CORIN: variants seen among roughly 807,000 people sequenced by gnomAD.
CORIN encodes the protein atrial natriuretic peptide-converting enzyme.
In CORIN, 117 loss-of-function variants were observed where a neutral mutation model predicts 125.3. That is an observed-to-expected ratio of 0.93 (90% CI 0.80 to 1.09). The LOEUF is 1.09. Among genes scored for constraint, CORIN ranks in the 50% least tolerant of loss-of-function variants. CORIN has a pLI of 0.00. For synonymous variants in CORIN, 450 were observed against 466.4 expected (o/e 0.96, Z 0.45); for missense variants, 1,253 against 1,306.7 (o/e 0.96, Z 0.63).
intron 5 of CORIN, among the ~76,000 whole-genome samples, chr4:47,730,039 A>C (rs1250608553): frequency 6.6e-6 from 1 of 152,066 alleles, no homozygotes; most frequent in African/African-American, 2.4e-5. Flanking sequence ...CTTGGAGCTC[A>C]CGTGTGATCT....
chr4:47,835,677 C>T (rs1261340723), intron 1 of CORIN, among the ~76,000 whole-genome samples: 1 of 152,210 alleles, frequency 6.6e-6, no homozygotes, highest in African/African-American at 2.4e-5. Flanking sequence ...GAACTAGCAA[C>T]TGCTGAAATC....
intron 19 of CORIN, among the ~76,000 whole-genome samples, chr4:47,621,010 AT>A (rs1353737393): frequency 6.6e-6 from 1 of 152,196 alleles, no homozygotes; most frequent in African/African-American, 2.4e-5. Flanking sequence ...CCTGTGGATT[AT>A]TTTTTGCCTC....
intron 3 of CORIN, among the ~76,000 whole-genome samples, chr4:47,781,580 T>C (rs1206819638): frequency 2.0e-5 from 3 of 152,212 alleles, no homozygotes; most frequent in African/African-American, 4.8e-5. Context: ...TGACTTACAA[T>C]AGTTTCAACT....
In CORIN at chr4:47,806,905, A is replaced by G; in HGVS notation, c.206T>C (p.Val69Ala). The change falls in exon 2 of 22, where the codon GTT becomes GCT. Residue 69 changes from valine (V) to alanine (A), a missense_variant and splice_region_variant. Physicochemically the swap from Val to Ala is moderately conservative, Grantham distance 64 (BLOSUM62 0). Transcript: ENST00000273857. ...VLLLVILLSY[V>A]GTLQKVYFKS... is the part of the protein sequence containing the mutation. Reference sequence around the variant, plus strand: ...TATTTAATAATGGCCTCACCCACCAACATAGGAAAGCAGGATCACCAGCAA... The same window carrying G: ...TATTTAATAATGGCCTCACCCACCAGCATAGGAAAGCAGGATCACCAGCAA... 1.2e-6 allele frequency: 2 copies of G among 1,611,704 alleles called. No homozygotes were observed. The highest frequency in any genetic ancestry group is 1.1e-5 in the South Asian group (1 of 90,500).
At chr4:47,673,606 C>T (rs570051752) in intron 10 of CORIN, among the ~76,000 whole-genome samples, 3 of 152,168 alleles carry the variant, frequency 2.0e-5, no homozygotes, top group South Asian at 2.1e-4. Flanking sequence ...CTTTCACTTC[C>T]GCCCATTCTG....
At chr4:47,825,697 C>CTTTTT (rs759495221) in intron 1 of CORIN, among the ~76,000 whole-genome samples, 1 of 134,794 alleles carries the variant, frequency 7.4e-6, no homozygotes, top group Non-Finnish European at 1.6e-5. Flanking sequence ...CAAACCACTG[C>CTTTTT]TTTTTTTTTT....
chr4:47,739,115 A>G (rs558312027), intron 5 of CORIN, among the ~76,000 whole-genome samples: 14 of 152,174 alleles, frequency 9.2e-5, no homozygotes, highest in African/African-American at 3.1e-4. Flanking sequence ...AGAAAGAGAT[A>G]AAAGAATGAG....
intron 10 of CORIN, among the ~76,000 whole-genome samples, chr4:47,666,249 C>T (rs1413360529): frequency 3.9e-5 from 6 of 152,322 alleles, no homozygotes; most frequent in Non-Finnish European, 7.4e-5. Flanking sequence ...ATGTTCATTG[C>T]ATTCTGCCAT....
intron 2 of CORIN, among the ~76,000 whole-genome samples, chr4:47,804,276 C>A (rs1013301976): frequency 2.0e-5 from 3 of 152,132 alleles, no homozygotes; most frequent in Non-Finnish European, 4.4e-5. Flanking sequence ...ATTAGTACAA[C>A]CACTATAAAG....
At chr4:47,719,367 C>A (rs1196752897) in intron 5 of CORIN, among the ~76,000 whole-genome samples, 1 of 152,098 alleles carries the variant, frequency 6.6e-6, no homozygotes, top group African/African-American at 2.4e-5. Context: ...ATAGCAGGCT[C>A]TCCGTACATA....
intron 10 of CORIN, among the ~76,000 whole-genome samples, chr4:47,671,729 C>T (rs1263520037): frequency 3.3e-5 from 5 of 152,034 alleles, no homozygotes; most frequent in African/African-American, 9.7e-5. Context: ...GGACTACAGG[C>T]GCCCGCCACC....
Position 47,643,172 on chromosome 4 carries a change from G to C in CORIN, c.2042C>G (p.Ser681Ter), listed in dbSNP as rs561718451. ...DLWCDGEADC[S>*]DSSDEWDCVT... ...ACAGTCCCATTCATCTGAACTGTCT[G>C]AGCAGTCGGCTTCACCATCACACCA... The change falls in exon 15 of 22, where the codon TCA (serine) becomes TGA (stop). Residue 681 changes from serine (S) to a stop codon, truncating the protein, a stop_gained. Coordinates refer to ENST00000273857, the MANE Select transcript of CORIN (RefSeq NM_006587.4). LOFTEE classifies it high-confidence loss of function. 3.1e-6 allele frequency: 5 copies of C among 1,614,070 alleles called. No individual in the cohort carries two copies. The East Asian group carries it at 1.1e-4, about 36-fold the overall frequency.
intron 19 of CORIN, among the ~76,000 whole-genome samples, chr4:47,605,081 C>T (rs1721599636): frequency 6.6e-6 from 1 of 152,114 alleles, no homozygotes; most frequent in South Asian, 2.1e-4. Context: ...TACCATTACT[C>T]CTTCTCTTCA....
intron 9 of CORIN, among the ~76,000 whole-genome samples, 175 bp from the exon 10 acceptor site, chr4:47,674,675 C>T (rs1300503242): frequency 6.6e-6 from 1 of 152,102 alleles, no homozygotes; most frequent in Non-Finnish European, 1.5e-5. Flanking sequence ...ATTCATTTTC[C>T]TGGTAATTAA....
At chr4:47,729,381 C>T (rs546101570) in intron 5 of CORIN, among the ~76,000 whole-genome samples, 2 of 152,278 alleles carry the variant, frequency 1.3e-5, no homozygotes, top group Non-Finnish European at 2.9e-5. Flanking sequence ...TTTTTGACCA[C>T]TCTCCCTAGC....
chr4:47,825,078 G>A (rs1732684453), intron 1 of CORIN, among the ~76,000 whole-genome samples: 1 of 152,202 alleles, frequency 6.6e-6, no homozygotes, highest in Non-Finnish European at 1.5e-5. Flanking sequence ...ATTTTTAACT[G>A]AGACTTGAGA....
At chr4:47,650,827 G>A (rs1723703248) in intron 13 of CORIN, among the ~76,000 whole-genome samples, 1 of 152,120 alleles carries the variant, frequency 6.6e-6, no homozygotes, top group Admixed American at 6.5e-5. Flanking sequence ...TGCAGATTCT[G>A]CTCAGCATTC....
At chr4:47,626,377 T>C (rs773001056) in intron 17 of CORIN, 28 bp downstream of exon 17, 14 of 1,301,732 alleles carry the variant, frequency 1.1e-5, no homozygotes, top group Non-Finnish European at 1.1e-6. Flanking sequence ...AATCTGACTC[T>C]ACACAGCTCT....
At chr4:47,795,881 T>C (rs1731267349) in intron 2 of CORIN, among the ~76,000 whole-genome samples, 1 of 152,080 alleles carries the variant, frequency 6.6e-6, no homozygotes, top group East Asian at 1.9e-4. Flanking sequence ...AAATCACTAG[T>C]CATTAGCGAA....
Sources: allele counts gnomAD v4.1 joint callset (sites outside exome capture counted in the v4.1 genomes callset), GRCh38; gene constraint gnomAD v4.1.1; transcripts MANE v1.5; gene names NCBI Gene and HGNC (gene_info 2026-07-23, HGNC 2026-07-21).